CCDC60: variants seen among roughly 807,000 people sequenced by gnomAD.
CCDC60 encodes coiled-coil domain containing 60.
CCDC60 carries 54 observed loss-of-function variants against 63.5 expected under a neutral mutation model. The ratio of observed to expected loss-of-function variants is 0.85; its 90% CI spans 0.68 to 1.07. The LOEUF (loss-of-function observed/expected upper bound fraction) is 1.07. Ranked by LOEUF, CCDC60 falls within the 50% of genes least tolerant of loss-of-function variation. The pLI is 0.00. For missense variants in CCDC60, 651 were observed against 684.3 expected (o/e 0.95, Z 0.54); for synonymous variants, 206 against 238.8 (o/e 0.86, Z 1.27).
chr12:119,373,375 T>C (rs1955917460), intron 1 of CCDC60, among the ~76,000 whole-genome samples: 1 of 152,268 alleles, frequency 6.6e-6, no homozygotes, highest in Non-Finnish European at 1.5e-5. Flanking sequence ...GCTATGTGAC[T>C]CTGAGCCAGT....
chr12:119,455,149 G>T (rs944943254), intron 2 of CCDC60, among the ~76,000 whole-genome samples: 3 of 152,190 alleles, frequency 2.0e-5, no homozygotes, highest in Non-Finnish European at 4.4e-5. Context: ...TTGCTTTGCT[G>T]GTTGTTAATC....
chr12:119,452,213 A>G (rs570226859), intron 2 of CCDC60, among the ~76,000 whole-genome samples: 1 of 152,286 alleles, frequency 6.6e-6, no homozygotes, highest in South Asian at 2.1e-4. Context: ...TTGCTTTTCT[A>G]ATTGTGGCCC....
intron 7 of CCDC60, among the ~76,000 whole-genome samples, chr12:119,512,045 A>C (rs1176879488): frequency 6.6e-6 from 1 of 152,236 alleles, no homozygotes; most frequent in Admixed American, 6.5e-5. Flanking sequence ...GACATTTATC[A>C]CAGCCTAGAT....
chr12:119,423,418 C>T (rs112450379), intron 1 of CCDC60, among the ~76,000 whole-genome samples: 30 of 152,300 alleles, frequency 2.0e-4, no homozygotes, highest in African/African-American at 7.0e-4. Flanking sequence ...TTTCCTGCTC[C>T]CACCGGGGGC....
intron 1 of CCDC60, among the ~76,000 whole-genome samples, chr12:119,353,492 G>C (rs369350030): frequency 1.4e-4 from 21 of 150,956 alleles, no homozygotes; most frequent in Admixed American, 6.6e-4. Flanking sequence ...CTCTGTCTCT[G>C]TCTCTCTGTC....
intron 11 of CCDC60, among the ~76,000 whole-genome samples, chr12:119,526,008 C>T (rs1952667489): frequency 6.6e-6 from 1 of 152,168 alleles, no homozygotes; most frequent in Admixed American, 6.5e-5. Context: ...CACCTGACCT[C>T]AAACTATACT....
At position 119,510,916 on chromosome 12, in the gene CCDC60, C is replaced by A. The variant is rs141651343; in HGVS notation, c.883+5613C>A. On this transcript the variant is annotated intron_variant, in intron 7 of 13. Transcript: ENST00000327554. ...AACTTAGTCACAGGGCTATGCCCAG[C>A]TGCAAAGGATGTTGAAAAAATGAGC... Among the ~76,000 whole-genome samples the A allele has an allele frequency of 2.3e-3, 347 of 152,304 alleles. 1 individual carries two copies. The highest frequency in any genetic ancestry group is 7.5e-3 in the Admixed American group (115 of 15,304).
intron 2 of CCDC60, among the ~76,000 whole-genome samples, chr12:119,433,843 C>T (rs1456175019): frequency 6.6e-6 from 1 of 152,194 alleles, no homozygotes; most frequent in Non-Finnish European, 1.5e-5. Flanking sequence ...TTCCTCCTCG[C>T]CTGTTCCGTC....
chr12:119,393,783 G>C (rs1009914528), intron 1 of CCDC60, among the ~76,000 whole-genome samples: 1 of 152,188 alleles, frequency 6.6e-6, no homozygotes, highest in African/African-American at 2.4e-5. Context: ...TTTGTGTGAC[G>C]TTTTCAGTGA....
intron 11 of CCDC60, among the ~76,000 whole-genome samples, chr12:119,526,193 GA>G (rs1396659270): frequency 6.6e-6 from 1 of 152,200 alleles, no homozygotes; most frequent in Admixed American, 6.5e-5. Flanking sequence ...ATGGTGCTGG[GA>G]TAACTGGCTA....
chr12:119,428,043 T>C (rs1242147901), intron 1 of CCDC60, among the ~76,000 whole-genome samples: 10 of 152,108 alleles, frequency 6.6e-5, no homozygotes. Context: ...TGAGCATGTA[T>C]CAACTTCTGA....
chr12:119,393,058 G>A (rs1011981781), intron 1 of CCDC60, among the ~76,000 whole-genome samples: 7 of 152,154 alleles, frequency 4.6e-5, no homozygotes, highest in African/African-American at 7.2e-5. Context: ...CAGTTACTTA[G>A]CAGGCTGAGG....
chr12:119,404,441 C>T (rs188450085), intron 1 of CCDC60, among the ~76,000 whole-genome samples: 3 of 152,208 alleles, frequency 2.0e-5, no homozygotes, highest in Non-Finnish European at 4.4e-5. Context: ...ACCTCCCCCC[C>T]ACCACCCTGC....
In CCDC60 at chr12:119,378,564, C is replaced by A. The variant is rs1007802527; in HGVS notation, c.90+43298C>A. Reference sequence around the variant, plus strand: ...AATTGGTTCCATTTTTGCAGGTCCACAGACTGAGGCTCAAGAAAATTAGGT... The same window carrying A: ...AATTGGTTCCATTTTTGCAGGTCCAAAGACTGAGGCTCAAGAAAATTAGGT... On this transcript the variant is annotated intron_variant, in intron 1 of 13. Coordinates refer to ENST00000327554, the MANE Select transcript of CCDC60 (RefSeq NM_178499.5). Among the ~76,000 whole-genome samples, 23 of 152,090 alleles carry A rather than the reference C, an allele frequency of 1.5e-4. 1 individual carries two copies. Among genetic ancestry groups the A allele is most frequent in the Non-Finnish European group, 7.4e-5 (5 of 68,020 alleles).
At chr12:119,376,099 TTTC>T (rs1254332014) in intron 1 of CCDC60, among the ~76,000 whole-genome samples, 2 of 152,240 alleles carry the variant, frequency 1.3e-5, no homozygotes, top group Non-Finnish European at 1.5e-5. Flanking sequence ...TTGGACACGT[TTTC>T]TTCTTGTATT....
intron 7 of CCDC60, among the ~76,000 whole-genome samples, chr12:119,508,788 C>T (rs1254224532): frequency 6.6e-6 from 1 of 152,106 alleles, no homozygotes; most frequent in Non-Finnish European, 1.5e-5. Context: ...ACCTGATCTA[C>T]TTTTCCAAGG....
At chr12:119,519,473 T>A (rs1952452591) in intron 8 of CCDC60, among the ~76,000 whole-genome samples, 2 of 147,354 alleles carry the variant, frequency 1.4e-5, no homozygotes, top group African/African-American at 5.0e-5. Flanking sequence ...ATATATTTTT[T>A]TTTTTTTTTG....
In CCDC60 at chr12:119,398,081, C is replaced by G. The variant is rs1292675993; in HGVS notation, c.91-30602C>G. On this transcript the variant is annotated intron_variant, in intron 1 of 13. Coordinates refer to ENST00000327554, the MANE Select transcript of CCDC60 (RefSeq NM_178499.5). ...AGGGGGTGGGGGGAGAGGAAGGGGC[C>G]GCGGGGGGAGGAAGGGGGCGGTGTG... Among the ~76,000 whole-genome samples, 26 of 33,854 alleles carry G rather than the reference C, an allele frequency of 7.7e-4. 1 individual carries two copies. The highest frequency in any genetic ancestry group is 3.4e-3 in the African/African-American group (25 of 7,276). 22.2% of individuals were successfully genotyped at this position (33,854 alleles called of 152,430 possible).
intron 1 of CCDC60, among the ~76,000 whole-genome samples, chr12:119,386,822 A>G (rs1379624203): frequency 6.6e-6 from 1 of 152,200 alleles, no homozygotes; most frequent in Non-Finnish European, 1.5e-5. Context: ...GTCATTACCA[A>G]CCGAGCATTG....
Sources: allele counts gnomAD v4.1 joint callset (sites outside exome capture counted in the v4.1 genomes callset), GRCh38; gene constraint gnomAD v4.1.1; transcripts MANE v1.5; gene names NCBI Gene and HGNC (gene_info 2026-07-23, HGNC 2026-07-21).